Variants in LRRTM4 observed in about 807,000 individuals in gnomAD.
LRRTM4 encodes the protein leucine rich repeat transmembrane neuronal 4, also known as leucine-rich repeat transmembrane neuronal protein 4.
A neutral mutation model predicts 47.6 loss-of-function variants in LRRTM4; 25 were observed. The ratio of observed to expected loss-of-function variants is 0.53; its 90% CI spans 0.38 to 0.73. The LOEUF is 0.73. Among genes scored for constraint, LRRTM4 ranks in the 30% least tolerant of loss-of-function variants. The pLI is 0.00. For missense variants in LRRTM4, 638 were observed against 713.4 expected (o/e 0.89, Z 1.20); for synonymous variants, 311 against 269.5 (o/e 1.15, Z -1.51).
chr2:77,159,650 G>A (rs754677165), intron 3 of LRRTM4, among the ~76,000 whole-genome samples: 2 of 152,024 alleles, frequency 1.3e-5, no homozygotes, highest in Non-Finnish European at 2.9e-5. Context: ...AGGCTGAGGA[G>A]GAGGAGAAAT....
intron 3 of LRRTM4, among the ~76,000 whole-genome samples, chr2:76,824,065 C>T (rs776429827): frequency 5.3e-5 from 8 of 151,506 alleles, no homozygotes; most frequent in Non-Finnish European, 1.0e-4. Context: ...TCTTATCTTT[C>T]ATTGTCTTTG....
At position 77,308,719 on chromosome 2, in the gene LRRTM4, A is replaced by G. The variant is rs182391197; in HGVS notation, c.1551+209599T>C. 6.7e-3 allele frequency among the ~76,000 whole-genome samples: 1,023 copies of G among 152,246 alleles called. 16 individuals carry two copies. The highest frequency in any genetic ancestry group is 0.022 in the African/African-American group (920 of 41,534). On this transcript the variant is annotated intron_variant, in intron 3 of 3. Transcript: ENST00000409884. ...TCCATGTACATTGACAAAGTTTGCT[A>G]AAAGACCTACTGTCTCTTAGGCCAA...
At chr2:77,157,643 A>G (rs1285581020) in intron 3 of LRRTM4, among the ~76,000 whole-genome samples, 1 of 152,176 alleles carries the variant, frequency 6.6e-6, no homozygotes, top group Non-Finnish European at 1.5e-5. Flanking sequence ...TTGACTAGAA[A>G]TAAACCTATA....
At chr2:77,257,462 G>A (rs1675802023) in intron 3 of LRRTM4, among the ~76,000 whole-genome samples, 1 of 151,794 alleles carries the variant, frequency 6.6e-6, no homozygotes, top group Non-Finnish European at 1.5e-5. Context: ...TCATAAAAGG[G>A]GAAATACATA....
intron 3 of LRRTM4, among the ~76,000 whole-genome samples, chr2:76,996,817 T>G (rs1206296864): frequency 6.6e-6 from 1 of 152,148 alleles, no homozygotes; most frequent in Non-Finnish European, 1.5e-5. Context: ...AATTACATAA[T>G]TGACATAACA....
intron 3 of LRRTM4, among the ~76,000 whole-genome samples, chr2:76,980,368 G>A (rs1465629885): frequency 6.6e-6 from 1 of 151,984 alleles, no homozygotes; most frequent in Non-Finnish European, 1.5e-5. Flanking sequence ...GTAGTGTCTT[G>A]TATGTATAAA....
intron 3 of LRRTM4, among the ~76,000 whole-genome samples, chr2:77,450,763 T>C (rs950917271): frequency 2.0e-5 from 3 of 152,108 alleles, no homozygotes; most frequent in Admixed American, 6.6e-5. Context: ...TATCACCTTA[T>C]AGCTAGCCAA....
At chr2:77,247,549 T>C (rs1302098510) in intron 3 of LRRTM4, among the ~76,000 whole-genome samples, 3 of 152,120 alleles carry the variant, frequency 2.0e-5, no homozygotes, top group Non-Finnish European at 4.4e-5. Context: ...CTGAATTCAT[T>C]GCCATTTTGA....
At chr2:77,043,285 TAAC>T (rs1192457253) in intron 3 of LRRTM4, among the ~76,000 whole-genome samples, 2 of 151,856 alleles carry the variant, frequency 1.3e-5, no homozygotes, top group South Asian at 2.1e-4. Flanking sequence ...CACCAACTAA[TAAC>T]TGACTTTCTT....
chr2:76,791,124 C>T (rs1304905243), intron 3 of LRRTM4, among the ~76,000 whole-genome samples: 1 of 152,092 alleles, frequency 6.6e-6, no homozygotes, highest in Non-Finnish European at 1.5e-5. Flanking sequence ...CTTGCTGTGA[C>T]ATAAGGCTAC....
intron 3 of LRRTM4, among the ~76,000 whole-genome samples, chr2:77,114,984 A>G (rs1325459404): frequency 6.6e-6 from 1 of 152,144 alleles, no homozygotes; most frequent in Non-Finnish European, 1.5e-5. Context: ...ACAATTTACC[A>G]GGCTGGAATT....
chr2:76,860,385 T>C (rs1007158457), intron 3 of LRRTM4, among the ~76,000 whole-genome samples: 1 of 152,192 alleles, frequency 6.6e-6, no homozygotes, highest in African/African-American at 2.4e-5. Flanking sequence ...TGTGTTTACA[T>C]GTGGAGCAGA....
chr2:77,016,094 AAAC>A (rs978518763), intron 3 of LRRTM4, among the ~76,000 whole-genome samples: 2 of 151,802 alleles, frequency 1.3e-5, no homozygotes, highest in African/African-American at 4.8e-5. Flanking sequence ...AACAAAATAT[AAAC>A]AAACAAAAAT....
chr2:77,154,537 A>C (rs1672508947), intron 3 of LRRTM4, among the ~76,000 whole-genome samples: 1 of 152,188 alleles, frequency 6.6e-6, no homozygotes, highest in Admixed American at 6.5e-5. Flanking sequence ...TATACATATT[A>C]GTAAAGTATT....
intron 3 of LRRTM4, among the ~76,000 whole-genome samples, chr2:77,096,062 T>C (rs1670803124): frequency 6.6e-6 from 1 of 152,156 alleles, no homozygotes; most frequent in Non-Finnish European, 1.5e-5. Context: ...GCAGAGGAGA[T>C]GGATATGTTA....
In LRRTM4 at chr2:77,335,319, C is replaced by T. The variant is rs72915939; in HGVS notation, c.1551+182999G>A. On this transcript the variant is annotated intron_variant, in intron 3 of 3. Coordinates refer to ENST00000409884, the MANE Select transcript of LRRTM4 (RefSeq NM_001134745.3). ...GGTTCCTGTAATGATTTTATGACCT[C>T]TATTTCACCTACCCTTCCTCTTGTT... 6.8e-3 allele frequency among the ~76,000 whole-genome samples: 1,032 copies of T among 152,272 alleles called. 13 individuals are homozygous for T. Among genetic ancestry groups the T allele is most frequent in the East Asian group, 0.064 (330 of 5,164 alleles).
chr2:76,902,930 A>G (rs1215765374), intron 3 of LRRTM4, among the ~76,000 whole-genome samples: 3 of 151,190 alleles, frequency 2.0e-5, no homozygotes, highest in Non-Finnish European at 3.0e-5. Flanking sequence ...ATTTCCAGGG[A>G]CTCTGAGTAA....
intron 3 of LRRTM4, among the ~76,000 whole-genome samples, chr2:77,157,907 G>A (rs551046530): frequency 6.6e-5 from 10 of 152,132 alleles, no homozygotes; most frequent in African/African-American, 1.4e-4. Flanking sequence ...CAAACAGCTC[G>A]AGTGAGTTCT....
At chr2:76,771,515 T>G (rs1673705144) in intron 3 of LRRTM4, among the ~76,000 whole-genome samples, 1 of 152,132 alleles carries the variant, frequency 6.6e-6, no homozygotes, top group African/African-American at 2.4e-5. Context: ...CTCCCACCAC[T>G]TTTTTAAGTA....
Sources: gnomAD v4.1 joint callset for allele counts (sites outside exome capture counted in the v4.1 genomes callset) on GRCh38, gnomAD v4.1.1 for gene constraint, MANE v1.5 for transcripts, NCBI Gene and HGNC (gene_info 2026-07-23, HGNC 2026-07-21) for gene names.